SRBD1: variants seen among roughly 807,000 people sequenced by gnomAD.
The protein encoded by SRBD1 is S1 RNA-binding domain-containing protein 1.
SRBD1 carries 88 observed loss-of-function variants against 115.3 expected under a neutral mutation model. That is an observed-to-expected ratio of 0.76 (90% CI 0.64 to 0.91). The LOEUF (loss-of-function observed/expected upper bound fraction) is 0.91, where lower values mean the gene tolerates loss of function less well. Among genes scored for constraint, SRBD1 ranks in the 40% least tolerant of loss-of-function variants. The pLI is 0.00. For missense variants in SRBD1, 1,385 were observed against 1,177.4 expected, an observed-to-expected ratio of 1.18 and a Z score of -2.58; for synonymous variants, 509 against 407.7, an observed-to-expected ratio of 1.25 and a Z score of -2.99.
At chr2:45,516,705 T>C (rs939562813) in intron 14 of SRBD1, among the ~76,000 whole-genome samples, 1 of 152,198 alleles carries the variant, frequency 6.6e-6, no homozygotes, top group African/African-American at 2.4e-5. Context: ...TATAAAAACA[T>C]ACATTCTGAT....
chr2:45,410,460 G>A (rs1433417529), intron 19 of SRBD1, among the ~76,000 whole-genome samples: 1 of 152,168 alleles, frequency 6.6e-6, no homozygotes, highest in Non-Finnish European at 1.5e-5. Flanking sequence ...ACTCACAATG[G>A]CCAAAAACTG....
intron 20 of SRBD1, among the ~76,000 whole-genome samples, chr2:45,389,855 G>A (rs1666949628): frequency 6.6e-6 from 1 of 152,128 alleles, no homozygotes; most frequent in African/African-American, 2.4e-5. Context: ...TTATACATAA[G>A]GATCGAGAAG....
At chr2:45,467,010 T>C (rs983073474) in intron 16 of SRBD1, among the ~76,000 whole-genome samples, 1 of 152,224 alleles carries the variant, frequency 6.6e-6, no homozygotes, top group East Asian at 1.9e-4. Flanking sequence ...TTTATATGCA[T>C]AGTCAAGTTT....
intron 5 of SRBD1, 89 bp downstream of exon 5, chr2:45,585,519 A>AT (rs1323294363): frequency 7.2e-7 from 1 of 1,396,990 alleles, no homozygotes; most frequent in Non-Finnish European, 9.8e-7. Context: ...AAATGTTGAA[A>AT]TTGTCAAATA....
chr2:45,580,603 C>A (rs1168753756), intron 6 of SRBD1, among the ~76,000 whole-genome samples: 4 of 148,874 alleles, frequency 2.7e-5, no homozygotes, highest in Non-Finnish European at 5.9e-5. Context: ...TCGTGATCTG[C>A]CCGCCTCGGC....
chr2:45,402,159 C>T (rs960670065), intron 19 of SRBD1, among the ~76,000 whole-genome samples: 7 of 152,124 alleles, frequency 4.6e-5, no homozygotes, highest in Non-Finnish European at 4.4e-5. Context: ...CTTTTTAGCT[C>T]AGGGCACCAG....
chr2:45,506,813 G>A (rs923051212), intron 14 of SRBD1, among the ~76,000 whole-genome samples: 1 of 152,176 alleles, frequency 6.6e-6, no homozygotes, highest in Non-Finnish European at 1.5e-5. Context: ...AAATTAAATA[G>A]TGCATATTAA....
chr2:45,543,307 T>C (rs1014567333), intron 14 of SRBD1, among the ~76,000 whole-genome samples: 1 of 152,174 alleles, frequency 6.6e-6, no homozygotes, highest in Admixed American at 6.5e-5. Context: ...TCGTAAGGTA[T>C]TTTAAGGGTA....
intron 16 of SRBD1, among the ~76,000 whole-genome samples, chr2:45,434,521 C>A (rs1187042847): frequency 6.6e-6 from 1 of 152,136 alleles, no homozygotes; most frequent in Non-Finnish European, 1.5e-5. Flanking sequence ...TGTCAAGGAT[C>A]TCCTACCTCT....
intron 14 of SRBD1, among the ~76,000 whole-genome samples, chr2:45,524,579 GT>G (rs1671383665): frequency 6.6e-6 from 1 of 151,882 alleles, no homozygotes; most frequent in African/African-American, 2.4e-5. Context: ...TAGGAATAAA[GT>G]TAACAAAAGA....
At chr2:45,402,284 C>A (rs1198214350) in intron 19 of SRBD1, among the ~76,000 whole-genome samples, 3 of 152,278 alleles carry the variant, frequency 2.0e-5, no homozygotes, top group African/African-American at 7.2e-5. Flanking sequence ...AAGAAAAACA[C>A]TGTTTGGCTT....
At chr2:45,415,801 G>GAGGAGAGGAC (rs1667813635) in intron 18 of SRBD1, among the ~76,000 whole-genome samples, 7 of 127,528 alleles carry the variant, frequency 5.5e-5, no homozygotes, top group Non-Finnish European at 8.6e-5. Context: ...GAGGAGAGGA[G>GAGGAGAGGAC]AGGAGAGGAG....
chr2:45,602,773 A>C (rs1162110798), intron 2 of SRBD1, among the ~76,000 whole-genome samples: 6 of 152,174 alleles, frequency 3.9e-5, no homozygotes, highest in Non-Finnish European at 2.9e-5. Flanking sequence ...TTCCATTTCT[A>C]CTCTAATGTA....
intron 10 of SRBD1, among the ~76,000 whole-genome samples, chr2:45,559,297 T>C (rs1672586006): frequency 6.6e-6 from 1 of 152,188 alleles, no homozygotes; most frequent in Non-Finnish European, 1.5e-5. Context: ...GAAAAAAATC[T>C]TTAGCATACC....
At chr2:45,418,293 T>C (rs540578072) in intron 18 of SRBD1, 72 bp downstream of exon 18, 1 of 1,531,614 alleles carries the variant, frequency 6.5e-7, no homozygotes, top group South Asian at 1.2e-5. Context: ...TTTACACTAA[T>C]CAGTGGTAGG....
intron 17 of SRBD1, 84 bp from the exon 18 acceptor site, chr2:45,418,625 T>C: frequency 8.4e-7 from 1 of 1,196,604 alleles, no homozygotes; most frequent in Non-Finnish European, 1.1e-6. Flanking sequence ...TAAAAACGAC[T>C]GCAATGACAT....
chr2:45,605,942 G>A (rs1674257802), intron 1 of SRBD1, among the ~76,000 whole-genome samples: 2 of 150,156 alleles, frequency 1.3e-5, no homozygotes, highest in South Asian at 4.2e-4. Context: ...GTAGCTAACA[G>A]CCTTCCAATG....
chr2:45,485,240 G>A (rs184152068), intron 15 of SRBD1, among the ~76,000 whole-genome samples: 1 of 152,068 alleles, frequency 6.6e-6, no homozygotes, highest in African/African-American at 2.4e-5. Flanking sequence ...GAACCTATAG[G>A]GGTTTCGTGA....
intron 14 of SRBD1, among the ~76,000 whole-genome samples, chr2:45,521,748 C>A (rs1671290651): frequency 6.6e-6 from 1 of 152,058 alleles, no homozygotes; most frequent in Non-Finnish European, 1.5e-5. Context: ...GGGAGGATCA[C>A]TTGAGCTTAG....
Sources: gnomAD v4.1 joint callset for allele counts (sites outside exome capture counted in the v4.1 genomes callset) on GRCh38, gnomAD v4.1.1 for gene constraint, MANE v1.5 for transcripts, NCBI Gene and HGNC (gene_info 2026-07-23, HGNC 2026-07-21) for gene names.